CANX: variants seen among roughly 807,000 people sequenced by gnomAD.
CANX encodes calnexin, also known as epididymis secretory sperm binding protein.
A neutral mutation model predicts 75.7 loss-of-function variants in CANX; 14 were observed. The observed-to-expected ratio is 0.19, with a 90% CI of 0.12 to 0.29. CANX has a LOEUF of 0.29. CANX is among the 10% of genes least tolerant of loss of function. The pLI is 1.00. For synonymous variants in CANX, 227 were observed against 236.9 expected (o/e 0.96, Z 0.38); for missense variants, 567 against 713.2 (o/e 0.79, Z 2.34).
chr5:179,707,003 A>G, intron 3 of CANX, 129 bp from the exon 4 acceptor site: 4 of 637,968 alleles, frequency 6.3e-6, no homozygotes, highest in Non-Finnish European at 1.1e-5. Context: ...TGACAGATTT[A>G]AAGGTTGGAA....
At chr5:179,679,357 C>G in intron 1 of CANX, 1 of 1,105,404 alleles carries the variant, frequency 9.0e-7, no homozygotes, top group Non-Finnish European at 1.3e-6. Flanking sequence ...CCTGCAGCTA[C>G]GGCTGCGGCT....
chr5:179,699,357 C>T (rs1776571250), intron 1 of CANX, among the ~76,000 whole-genome samples: 1 of 152,180 alleles, frequency 6.6e-6, no homozygotes. Flanking sequence ...TCTTTGACCT[C>T]TGGGAAAGCT....
intron 1 of CANX, among the ~76,000 whole-genome samples, chr5:179,702,092 G>T (rs1291720652): frequency 1.3e-5 from 2 of 152,000 alleles, no homozygotes; most frequent in African/African-American, 4.8e-5. Context: ...CTGGAGTGCA[G>T]TGGCGTGGTT....
At chr5:179,679,171 CGAA>C in intron 1 of CANX, 2 of 1,535,200 alleles carry the variant, frequency 1.3e-6, no homozygotes, top group South Asian at 2.4e-5. Flanking sequence ...CGCAGGTGCT[CGAA>C]GGGGAGCCTC....
rs191871915 is a variant in CANX, at chr5:179,713,781, G to A, written c.722-2324G>A. On this transcript the variant is annotated intron_variant, in intron 7 of 14. Coordinates refer to ENST00000247461, the MANE Select transcript of CANX (RefSeq NM_001746.4). The stretch of plus-strand genomic sequence containing the variant: ...AAAAAATAATTATTCAGGCTTGGTA[G>A]CATGTACCTCTAGTCCCAGGTGCTC... 3.8e-4 allele frequency among the ~76,000 whole-genome samples: 58 copies of A among 152,126 alleles called. No homozygotes were observed. In the East Asian group the frequency reaches 0.01, roughly 26 times the overall value.
At chr5:179,699,211 T>C (rs1395805479) in intron 1 of CANX, 109 bp downstream of exon 1, 2 of 669,332 alleles carry the variant, frequency 3.0e-6, no homozygotes, top group Non-Finnish European at 3.7e-6. Flanking sequence ...GGGGTCGGGC[T>C]GGCTCTTGAG....
At chr5:179,723,613 T>A in intron 11 of CANX, 47 bp from the exon 12 acceptor site, 1 of 1,603,752 alleles carries the variant, frequency 6.2e-7, no homozygotes, top group Non-Finnish European at 8.5e-7. Context: ...GGCCTATGTT[T>A]GGTGTCAAAA....
At chr5:179,682,603 G>T (rs1292736249) in intron 1 of CANX, among the ~76,000 whole-genome samples, 1 of 151,256 alleles carries the variant, frequency 6.6e-6, no homozygotes, top group African/African-American at 2.4e-5. Flanking sequence ...CTAGCTACTT[G>T]GGAGGCTGAG....
At chr5:179,698,602 G>A (rs983374160), upstream of CANX, 3 of 1,288,356 alleles carry the variant, frequency 2.3e-6, no homozygotes, top group Non-Finnish European at 3.0e-6. Context: ...GGAACCAGAC[G>A]GGTGAGGGCT....
At chr5:179,699,822 G>T (rs972164850) in intron 1 of CANX, 3 of 152,232 alleles carry the variant, frequency 2.0e-5, no homozygotes, top group Non-Finnish European at 4.4e-5. Flanking sequence ...ATGGTGCTGG[G>T]ATTATAGTTC....
At position 179,719,833 on chromosome 5, in the gene CANX, T is replaced by C. The variant is rs558803635; in HGVS notation, c.1025+52T>C. ...ATTACCTGGTTTTTTTGTTTGTTTT[T>C]TTTTTTGAGATGGAGTCTCACTCTG... is the stretch of plus-strand genomic sequence containing the variant. On this transcript the variant is annotated intron_variant, in intron 9 of 14. Coordinates refer to ENST00000247461, the MANE Select transcript of CANX (RefSeq NM_001746.4). The C allele has an allele frequency of 1.2e-5, 12 of 1,041,956 alleles. No homozygotes were observed. In the African/African-American group the frequency reaches 1.6e-4, roughly 14 times the overall value. 64.5% of individuals were successfully genotyped at this position (1,041,956 alleles called of 1,614,324 possible).
chr5:179,722,057 G>A (rs1314344199), intron 10 of CANX, among the ~76,000 whole-genome samples: 2 of 152,140 alleles, frequency 1.3e-5, no homozygotes, highest in Non-Finnish European at 2.9e-5. Flanking sequence ...TAGGCTGGGC[G>A]TAGTGGCTCA....
intron 1 of CANX, chr5:179,700,834 G>A (rs1294823018): frequency 6.6e-6 from 1 of 152,336 alleles, no homozygotes; most frequent in Non-Finnish European, 1.5e-5. Context: ...GCAGGCTCAT[G>A]AAACTTGAAT....
At chr5:179,698,714 G>A, upstream of CANX, 6 of 824,312 alleles carry the variant, frequency 7.3e-6, no homozygotes, top group Non-Finnish European at 1.0e-5. Context: ...CGGCGGTCTC[G>A]ATCCAGCGTG....
At chr5:179,705,182 G>A (rs1367818659) in intron 1 of CANX, among the ~76,000 whole-genome samples, 4 of 152,204 alleles carry the variant, frequency 2.6e-5, no homozygotes, top group Non-Finnish European at 4.4e-5. Flanking sequence ...GAAGAGTTTC[G>A]CCATGTTGGC....
At position 179,720,567 on chromosome 5, in the gene CANX, G is replaced by A. The variant is rs541685582; in HGVS notation, c.1182+7G>A. 28 of 1,612,948 alleles carry A rather than the reference G, an allele frequency of 1.7e-5. No individual in the cohort carries two copies. In the East Asian group the frequency reaches 5.8e-4, roughly 33 times the overall value. On this transcript the variant is annotated splice_region_variant and intron_variant, in intron 10 of 14. Coordinates refer to ENST00000247461, the MANE Select transcript of CANX (RefSeq NM_001746.4). ...TGACAATCCCAGTTACCAGGTTTGT[G>A]CCTCTTGATGGTTGAGTTGCTTTCA...
chr5:179,680,868 C>G (rs1313804123), intron 1 of CANX: 1 of 1,534,090 alleles, frequency 6.5e-7, no homozygotes, highest in Admixed American at 2.0e-5. Context: ...CTGGATGGTA[C>G]ATACCATCCC....
chr5:179,725,025 CTCTT>C (rs941950017), intron 13 of CANX, among the ~76,000 whole-genome samples: 19 of 151,730 alleles, frequency 1.3e-4, no homozygotes, highest in African/African-American at 3.9e-4. Context: ...CTCTCTCTCT[CTCTT>C]TTTTATTTTT....
Position 179,723,774 on chromosome 5 carries a change from G to A in CANX, c.1513G>A (p.Gly505Arg). Residue 505 changes from glycine to arginine, a missense_variant, in exon 12 of 15, where the codon GGA becomes AGA. By Grantham distance (125) the Gly-to-Arg change is moderately radical. Transcript: ENST00000247461. ...CCTGGTTATCCTCTTCTGCTGTTCTGGAAAGGTAGGAAGTTTTTTTTTTTA... is the reference window on the plus strand; with the variant it reads ...CCTGGTTATCCTCTTCTGCTGTTCTAGAAAGGTAGGAAGTTTTTTTTTTTA... Reference protein sequence around the residue: ...VFLVILFCCSGKKQTSGMEYK... With the variant: ...VFLVILFCCSRKKQTSGMEYK... 6.2e-7 allele frequency: 1 copy of A among 1,600,090 alleles called. No homozygotes were observed. The highest frequency in any genetic ancestry group is 8.5e-7 in the Non-Finnish European group (1 of 1,175,918).
Sources: allele counts gnomAD v4.1 joint callset (sites outside exome capture counted in the v4.1 genomes callset), GRCh38; gene constraint gnomAD v4.1.1; transcripts MANE v1.5; gene names NCBI Gene and HGNC (gene_info 2026-07-23, HGNC 2026-07-21).